GLB1L2: variants seen among roughly 807,000 people sequenced by gnomAD.
GLB1L2 encodes the protein beta-galactosidase-1-like protein 2.
Under a neutral mutation model 84.1 loss-of-function variants are expected in GLB1L2, and 68 were observed. The observed-to-expected ratio is 0.81, with a 90% CI of 0.67 to 0.99. The LOEUF is 0.99. GLB1L2 is among the 50% of genes least tolerant of loss of function. GLB1L2 has a pLI of 0.00. For synonymous variants in GLB1L2, 290 were observed against 318.0 expected (o/e 0.91, Z 0.94); for missense variants, 762 against 805.6 (o/e 0.95, Z 0.66).
intron 3 of GLB1L2, among the ~76,000 whole-genome samples, chr11:134,344,682 G>A (rs944535640): frequency 1.5e-4 from 23 of 152,286 alleles, no homozygotes; most frequent in Admixed American, 1.1e-3. Context: ...CTGCAGCCCA[G>A]AGGGGCAGAA....
chr11:134,374,096 T>C, intron 16 of GLB1L2, 49 bp from the exon 17 acceptor site: 1 of 1,369,602 alleles, frequency 7.3e-7, no homozygotes, highest in Middle Eastern at 1.8e-4. Context: ...ATTGTGCTGG[T>C]GGATTGAGAA....
chr11:134,343,574 A>C (rs930963015), intron 2 of GLB1L2, among the ~76,000 whole-genome samples: 3 of 152,202 alleles, frequency 2.0e-5, no homozygotes. Flanking sequence ...GTTTAGGCAA[A>C]AATATGTGAT....
chr11:134,366,626 A>G (rs1943870020), intron 8 of GLB1L2, among the ~76,000 whole-genome samples: 2 of 152,202 alleles, frequency 1.3e-5, no homozygotes, highest in Admixed American at 6.5e-5. Flanking sequence ...GGGCCGTCCT[A>G]TGCCAAAGTC....
At chr11:134,348,682 T>G (rs1047043169) in intron 5 of GLB1L2, among the ~76,000 whole-genome samples, 6 of 152,222 alleles carry the variant, frequency 3.9e-5, no homozygotes, top group African/African-American at 1.2e-4. Context: ...CACTGTTGTG[T>G]GCTCATCTCC....
intron 1 of GLB1L2, 106 bp from the exon 2 acceptor site, chr11:134,342,648 G>T (rs892852081): frequency 6.2e-6 from 7 of 1,137,810 alleles, no homozygotes; most frequent in Admixed American, 4.7e-5. Context: ...CCACCTGGAC[G>T]CAGGCGCCCT....
At chr11:134,362,714 C>T (rs953376254) in intron 7 of GLB1L2, among the ~76,000 whole-genome samples, 1 of 152,250 alleles carries the variant, frequency 6.6e-6, no homozygotes, top group African/African-American at 2.4e-5. Flanking sequence ...CACACGCCCA[C>T]TCCCGCAGCA....
chr11:134,353,621 A>G (rs1943665106), intron 5 of GLB1L2, among the ~76,000 whole-genome samples: 1 of 152,108 alleles, frequency 6.6e-6, no homozygotes, highest in Admixed American at 6.5e-5. Context: ...TCTATCCATT[A>G]TTGATATTCA....
At chr11:134,364,752 G>A (rs150487807) in intron 8 of GLB1L2, 14 of 216,678 alleles carry the variant, frequency 6.5e-5, no homozygotes, top group South Asian at 3.1e-4. Context: ...ACAGGCATCC[G>A]ACCTTAACCT....
chr11:134,361,729 C>T (rs1257583208), intron 7 of GLB1L2, among the ~76,000 whole-genome samples: 1 of 152,098 alleles, frequency 6.6e-6, no homozygotes, highest in African/African-American at 2.4e-5. Context: ...GGAGGCCTCG[C>T]TCTCATTGTT....
At chr11:134,368,437 G>C (rs774088344) in intron 9 of GLB1L2, among the ~76,000 whole-genome samples, 8 of 152,212 alleles carry the variant, frequency 5.3e-5, no homozygotes, top group Non-Finnish European at 1.0e-4. Flanking sequence ...GGAGGCTCGA[G>C]CTCTGGGGCC....
Position 134,344,605 on chromosome 11 carries a change from A to C in GLB1L2, c.353+150A>C, listed in dbSNP as rs1943518796. 1.5e-5 allele frequency: 15 copies of C among 1,023,194 alleles called. No homozygotes were observed. In the South Asian group the frequency reaches 2.0e-4, roughly 14 times the overall value. The allele number at this position is 1,023,194 out of a possible 1,614,324, so 63.4% of individuals were successfully genotyped here. The stretch of plus-strand genomic sequence containing the variant: ...GAGAGGCCCTGCACCCAGGACCCAG[A>C]CGCTCCCCAGTCGTGACCTGTCACC... On this transcript the variant is annotated intron_variant, in intron 3 of 18. Transcript: ENST00000535456.
chr11:134,375,097 G>A lies in GLB1L2; in HGVS notation c.*39G>A, dbSNP rs1480450722. On this transcript the variant is annotated 3_prime_UTR_variant, in exon 19 of 19. Transcript: ENST00000535456. ...CTCCTGCTGGTGCCAGTGGGAGACTGCCGCCTCCTCTTGACCTGAAGCCTG... is the reference window on the plus strand; with the variant it reads ...CTCCTGCTGGTGCCAGTGGGAGACTACCGCCTCCTCTTGACCTGAAGCCTG... The A allele has an allele frequency of 3.9e-6, 6 of 1,556,962 alleles. No individual in the cohort carries two copies. In the Admixed American group the frequency reaches 5.1e-5, roughly 13 times the overall value.
chr11:134,354,801 T>G (rs928687046), intron 5 of GLB1L2, among the ~76,000 whole-genome samples: 3 of 152,232 alleles, frequency 2.0e-5, no homozygotes, highest in Non-Finnish European at 4.4e-5. Context: ...TCTCTTTGTC[T>G]TCAATGGTTT....
intron 1 of GLB1L2, among the ~76,000 whole-genome samples, chr11:134,332,741 T>TA (rs1943321719): frequency 6.6e-6 from 1 of 152,188 alleles, no homozygotes; most frequent in Non-Finnish European, 1.5e-5. Context: ...ATTCACCTGT[T>TA]ACCAGCTCAC....
intron 1 of GLB1L2, 139 bp downstream of exon 1, chr11:134,332,286 C>T: frequency 3.4e-6 from 2 of 584,824 alleles, no homozygotes; most frequent in Non-Finnish European, 5.9e-6. Context: ...GGGAGCTCCC[C>T]AATACCCCCG....
At chr11:134,341,406 C>T (rs1258851) in intron 1 of GLB1L2, among the ~76,000 whole-genome samples, 27,020 of 150,526 alleles carry the variant, frequency 0.18, 3,805 homozygotes, top group East Asian at 0.65. Context: ...AAGCTGGGGG[C>T]CAGGATTCAC....
At chr11:134,340,228 G>A (rs1475034886) in intron 1 of GLB1L2, among the ~76,000 whole-genome samples, 2 of 152,292 alleles carry the variant, frequency 1.3e-5, no homozygotes, top group South Asian at 2.1e-4. Context: ...TTTGGTACCT[G>A]GTGGAATGAT....
At chr11:134,357,826 C>T (rs1324358582) in intron 6 of GLB1L2, among the ~76,000 whole-genome samples, 1 of 152,250 alleles carries the variant, frequency 6.6e-6, no homozygotes, top group East Asian at 1.9e-4. Context: ...TGCTCCCAGC[C>T]TAGCTCTGCA....
chr11:134,348,348 C>T lies in GLB1L2; in HGVS notation c.558+915C>T, dbSNP rs183597935. Among the ~76,000 whole-genome samples, 326 of 152,016 alleles carry T rather than the reference C, an allele frequency of 2.1e-3. 3 individuals carry two copies. Among genetic ancestry groups the T allele is most frequent in the Non-Finnish European group, 3.7e-3 (249 of 67,994 alleles). On this transcript the variant is annotated intron_variant, in intron 5 of 18. Transcript: ENST00000535456. Reference sequence around the variant, plus strand: ...GTCTGGTATTTTTGTTTACTAAATCCGGCAGCCTTAACCATGACAGAAGCA... The same window carrying T: ...GTCTGGTATTTTTGTTTACTAAATCTGGCAGCCTTAACCATGACAGAAGCA...
Sources: gnomAD v4.1 joint callset for allele counts (sites outside exome capture counted in the v4.1 genomes callset) on GRCh38, gnomAD v4.1.1 for gene constraint, MANE v1.5 for transcripts, NCBI Gene and HGNC (gene_info 2026-07-23, HGNC 2026-07-21) for gene names.